Variants in TMPO observed in about 807,000 individuals in gnomAD.
The protein encoded by TMPO is LEM domain containing 4.
In TMPO, 22 loss-of-function variants were observed where a neutral mutation model predicts 45.4. The observed-to-expected ratio is 0.48, with a 90% CI of 0.35 to 0.69. The LOEUF is 0.69. Ranked by LOEUF, TMPO falls within the 30% of genes least tolerant of loss-of-function variation. The pLI, the probability that TMPO is intolerant of heterozygous loss-of-function variation, is 0.01. For synonymous variants in TMPO, 241 were observed against 204.1 expected, an observed-to-expected ratio of 1.18 and a Z score of -1.54; for missense variants, 512 against 548.8, an observed-to-expected ratio of 0.93 and a Z score of 0.67.
chr12:98,532,806 C>T (rs1877287517), intron 3 of TMPO: 1 of 1,614,108 alleles, frequency 6.2e-7, no homozygotes, highest in Non-Finnish European at 8.5e-7. Context: ...AACTTCCTGC[C>T]TCTTTTGCCT....
chr12:98,548,637 CATTT>C lies in TMPO; in HGVS notation c.*783_*786del, dbSNP rs1878360522. ...TTTGTATTTTTTATTTACAGCAAAA[CATTT>C]ATTCAGTCATCCAGTTTGCTACCAA... On this transcript the variant is annotated 3_prime_UTR_variant, in exon 9 of 9. Transcript: ENST00000556029. The C allele has an allele frequency of 6.6e-6, 1 of 152,160 alleles. No individual in the cohort carries two copies. Among genetic ancestry groups the C allele is most frequent in the African/African-American group, 2.4e-5 (1 of 41,432 alleles). The allele number at this position is 152,160 out of a possible 1,614,324, so 9.4% of individuals were successfully genotyped here. A position where few individuals can be genotyped will look rare whatever the true frequency, so the allele number is the denominator to read the frequency against.
At chr12:98,544,846 A>C in intron 6 of TMPO, 105 bp from the exon 7 acceptor site, 9 of 967,432 alleles carry the variant, frequency 9.3e-6, no homozygotes, top group Non-Finnish European at 1.5e-5. Flanking sequence ...ATCTTTACTA[A>C]GGGAAAATTT....
Position 98,543,872 on chromosome 12 carries a change from A to G in TMPO, c.664-358A>G, listed in dbSNP as rs186149251. 2.8e-3 allele frequency among the ~76,000 whole-genome samples: 431 copies of G among 152,330 alleles called. 7 individuals are homozygous for G. Among genetic ancestry groups the G allele is most frequent in the Admixed American group, 8.8e-3 (134 of 15,310 alleles). On this transcript the variant is annotated intron_variant, in intron 4 of 8. Coordinates refer to ENST00000556029, the MANE Select transcript of TMPO (RefSeq NM_001032283.3). ...ATAATAGATGACTTTTTTCTAAGTC[A>G]TGATCAGTCTGCTTTTTGTTTAGAC...
Position 98,520,272 on chromosome 12 carries a change from CCCTT to C in TMPO, c.279+4160_279+4163del, listed in dbSNP as rs372564327. Among the ~76,000 whole-genome samples the C allele has an allele frequency of 9.0e-3, 960 of 107,248 alleles. 4 individuals are homozygous for C. Among genetic ancestry groups the C allele is most frequent in the South Asian group, 0.023 (67 of 2,958 alleles). The allele number at this position is 107,248 out of a possible 152,430, so 70.4% of individuals were successfully genotyped here. ...ACCGCGCCCGGCCAACCATATTTTT[CCCTT>C]CCTTCCTTCCTTCCTTCCTTCCTTC... On this transcript the variant is annotated intron_variant, in intron 1 of 8. Coordinates refer to ENST00000556029, the MANE Select transcript of TMPO (RefSeq NM_001032283.3).
rs139018373 is a variant in TMPO, at chr12:98,534,528, G to A, written c.565+2690G>A. The A allele has an allele frequency of 4.8e-4, 667 of 1,402,038 alleles. 7 individuals carry two copies. In the African/African-American group the frequency reaches 8.6e-3, roughly 18 times the overall value. The allele number at this position is 1,402,038 out of a possible 1,614,324, so 86.8% of individuals were successfully genotyped here. ...CTACTTGTCTTTTCTAAAGATTTGC[G>A]TAGATAGGAAGCCTGGTACAAACAA... On this transcript the variant is annotated intron_variant, in intron 3 of 8. Transcript: ENST00000556029.
intron 7 of TMPO, 60 bp downstream of exon 7, chr12:98,545,121 ATT>A: frequency 1.2e-6 from 1 of 830,722 alleles, no homozygotes; most frequent in Non-Finnish European, 1.8e-6. Context: ...AAATATAAAT[ATT>A]TGTTTGTTTT....
At chr12:98,517,063 G>C (rs1875908006) in intron 1 of TMPO, among the ~76,000 whole-genome samples, 1 of 152,114 alleles carries the variant, frequency 6.6e-6, no homozygotes. Flanking sequence ...CTCCCGCCTC[G>C]GCCTCACAAA....
chr12:98,531,276 C>T (rs898986012), intron 2 of TMPO, among the ~76,000 whole-genome samples: 4 of 141,358 alleles, frequency 2.8e-5, no homozygotes, highest in Admixed American at 7.4e-5. Flanking sequence ...CATCTTACTT[C>T]CTCTCCCAGC....
intron 1 of TMPO, among the ~76,000 whole-genome samples, chr12:98,523,670 TTTTC>T (rs750311764): frequency 3.3e-5 from 5 of 152,146 alleles, no homozygotes; most frequent in East Asian, 1.9e-4. Flanking sequence ...ATATAATTGA[TTTTC>T]TTTCTTTCTT....
rs11437786 is a variant in TMPO, at chr12:98,518,470, CTTTTTTT to C, written c.279+2342_279+2348del. ...CGCTACACCCGGCTAATTTTCTAAT[CTTTTTTT>C]TTTTTTTTTTTTTTTTTGGTACACA... On this transcript the variant is annotated intron_variant, in intron 1 of 8. Coordinates refer to ENST00000556029, the MANE Select transcript of TMPO (RefSeq NM_001032283.3). Among the ~76,000 whole-genome samples, 157 of 83,532 alleles carry C rather than the reference CTTTTTTT, an allele frequency of 1.9e-3. 1 individual carries two copies. The highest frequency in any genetic ancestry group is 6.9e-3 in the African/African-American group (136 of 19,802). The allele number at this position is 83,532 out of a possible 152,430, so 54.8% of individuals were successfully genotyped here.
chr12:98,546,386 G>A lies in TMPO; in HGVS notation c.1018G>A (p.Val340Ile). Residue 340 changes from valine to isoleucine, a missense_variant, in exon 8 of 9, where the codon GTA becomes ATA. Physicochemically the swap from Val to Ile is conservative, Grantham distance 29. This residue lies in a region of TMPO where 209 missense variants were observed against 235.1 expected (regional missense o/e 0.89). Transcript: ENST00000556029. ...GGGAGAAAAAACAGAGGAAAGAAGA[G>A]TAGAAAGGGATATTCTTAAGGAAAT... ...EVGEKTEERR[V>I]ERDILKEMFP... 4 of 1,612,828 alleles carry A rather than the reference G, an allele frequency of 2.5e-6. No homozygotes were observed. The highest frequency in any genetic ancestry group is 1.1e-5 in the South Asian group (1 of 91,060).
chr12:98,537,609 A>G (rs1444378647), intron 4 of TMPO, 37 bp downstream of exon 4: 1 of 1,480,920 alleles, frequency 6.8e-7, no homozygotes, highest in Non-Finnish European at 9.4e-7. Context: ...TACAGGTATA[A>G]ATAACCTCCT....
At position 98,549,869 on chromosome 12, in the gene TMPO, A is replaced by C. The variant is rs1181555573; in HGVS notation, c.*2011A>C. 1 of 143,590 alleles carries C rather than the reference A, an allele frequency of 7.0e-6. No homozygotes were observed. Among genetic ancestry groups the C allele is most frequent in the Non-Finnish European group, 1.5e-5 (1 of 65,084 alleles). 8.9% of individuals were successfully genotyped at this position (143,590 alleles called of 1,614,324 possible). On this transcript the variant is annotated 3_prime_UTR_variant, in exon 9 of 9. Transcript: ENST00000556029. ...TTCTGCAGAATGAGTGGGTCCTTGC[A>C]AAGTGAGTGGGAAACTTACTCCTAG...
intron 2 of TMPO, among the ~76,000 whole-genome samples, chr12:98,531,231 CGTCCTT>C (rs1792447294): frequency 7.0e-6 from 1 of 143,256 alleles, no homozygotes; most frequent in South Asian, 2.2e-4. Flanking sequence ...TCAGCCACCA[CGTCCTT>C]TTTTTTTTTT....
At chr12:98,531,481 C>T (rs1031620629) in intron 2 of TMPO, among the ~76,000 whole-genome samples, 199 bp from the exon 3 acceptor site, 2 of 151,738 alleles carry the variant, frequency 1.3e-5, no homozygotes, top group Non-Finnish European at 2.9e-5. Flanking sequence ...GTAATGTACC[C>T]GCCTCAGCCT....
In TMPO at chr12:98,515,957, G is replaced by T. The variant is rs1875751150; in HGVS notation, c.90G>T (p.Gly30=). Residue 30 remains glycine, a synonymous_variant, in exon 1 of 9, where the codon GGG becomes GGT. Transcript: ENST00000556029. ...LVANNVTLPA[G]EQRKDVYVQL... ...CCAACAATGTGACGCTGCCGGCCGG[G>T]GAGCAGCGCAAAGACGTGTACGTCC... 6.2e-7 allele frequency: 1 copy of T among 1,613,310 alleles called. No homozygotes were observed.
chr12:98,530,189 G>A (rs1877093790), intron 2 of TMPO, among the ~76,000 whole-genome samples: 1 of 151,476 alleles, frequency 6.6e-6, no homozygotes, highest in Admixed American at 6.6e-5. Context: ...AAAAAAAAAA[G>A]TAGCCAGGCA....
At chr12:98,517,442 A>G (rs1183341465) in intron 1 of TMPO, among the ~76,000 whole-genome samples, 1 of 152,210 alleles carries the variant, frequency 6.6e-6, no homozygotes, top group Non-Finnish European at 1.5e-5. Flanking sequence ...ATGCCTTGTA[A>G]GAGACAGTGA....
chr12:98,546,319 A>AT (rs750279885), intron 7 of TMPO, 40 bp from the exon 8 acceptor site: 1 of 1,376,750 alleles, frequency 7.3e-7, no homozygotes, highest in Non-Finnish European at 1.0e-6. Flanking sequence ...TTTACACTAA[A>AT]TTTTAACTTG....
Sources: gnomAD v4.1 joint callset for allele counts (sites outside exome capture counted in the v4.1 genomes callset) on GRCh38, gnomAD v4.1.1 for gene constraint, gnomAD v4.1.1 regional missense constraint, MANE v1.5 for transcripts, NCBI Gene and HGNC (gene_info 2026-07-23, HGNC 2026-07-21) for gene names.